TTF1: variants seen among roughly 807,000 people sequenced by gnomAD.
TTF1 encodes the protein transcription termination factor, RNA polymerase I.
TTF1 carries 64 observed loss-of-function variants against 80.2 expected under a neutral mutation model. That is an observed-to-expected ratio of 0.80 (90% CI 0.65 to 0.98). The LOEUF is 0.98. Ranked by LOEUF, TTF1 falls within the 50% of genes least tolerant of loss-of-function variation. The probability of loss-of-function intolerance (pLI) is 0.00; values close to 1 mark genes in which losing one functional copy is unlikely to be tolerated. For synonymous variants in TTF1, 372 were observed against 382.7 expected (o/e 0.97, Z 0.33); for missense variants, 1,023 against 1,086.2 (o/e 0.94, Z 0.82).
At chr9:132,390,475 C>G (rs1849539666) in intron 7 of TTF1, 122 bp downstream of exon 7, 1 of 867,214 alleles carries the variant, frequency 1.2e-6, no homozygotes, top group South Asian at 1.7e-5. Context: ...GCTGGGGCAG[C>G]AGACTAGACA....
Position 132,377,313 on chromosome 9 carries a change from C to CATGTGGTGTGTGTGT in TTF1, c.2465-1160_2465-1146dup, listed in dbSNP as rs1849210292. ...CATGTGAATGCATGTGGTGTGAGTGCATGTGGTGTGTGTGTGAATGCATGT... is the reference window on the plus strand; with the variant it reads ...CATGTGAATGCATGTGGTGTGAGTGCATGTGGTGTGTGTGTATGTGGTGTGTGTGTGAATGCATGT... On this transcript the variant is annotated intron_variant, in intron 10 of 10. Coordinates refer to ENST00000334270, the MANE Select transcript of TTF1 (RefSeq NM_007344.4). 5.8e-5 allele frequency among the ~76,000 whole-genome samples: 6 copies of CATGTGGTGTGTGTGT among 103,280 alleles called. No individual in the cohort carries two copies. In the East Asian group the frequency reaches 2.0e-3, roughly 35 times the overall value. The allele number at this position is 103,280 out of a possible 152,430, so 67.8% of individuals were successfully genotyped here. A position where few individuals can be genotyped will look rare whatever the true frequency, so the allele number is the denominator to read the frequency against.
chr9:132,389,609 T>C (rs755901622), intron 7 of TTF1, among the ~76,000 whole-genome samples: 1 of 152,338 alleles, frequency 6.6e-6, no homozygotes, highest in Non-Finnish European at 1.5e-5. Context: ...AGGAGTTTGC[T>C]TTTAACACAA....
At position 132,403,017 on chromosome 9, in the gene TTF1, A is replaced by G. The variant is rs149476923; in HGVS notation, c.-7-189T>C. ...ACTACAGGCACCCACCAGCACGCCC[A>G]GCTAATTTTGTTTTTGTATTTTCAG... On this transcript the variant is annotated intron_variant, in intron 1 of 10. Transcript: ENST00000334270. 3.1e-3 allele frequency among the ~76,000 whole-genome samples: 476 copies of G among 152,160 alleles called. 2 individuals carry two copies. Among genetic ancestry groups the G allele is most frequent in the African/African-American group, 0.011 (462 of 41,512 alleles).
chr9:132,377,564 TG>T (rs1203717098), intron 10 of TTF1, among the ~76,000 whole-genome samples: 5 of 49,898 alleles, frequency 1.0e-4, no homozygotes, highest in African/African-American at 3.3e-4. Flanking sequence ...TGAATGCATG[TG>T]GTGAGTGCAT....
rs1240531740 is a variant in TTF1 at position 132,402,464 on chromosome 9, T to C, written c.358A>G (p.Arg120Gly). 6.2e-7 allele frequency: 1 copy of C among 1,614,126 alleles called. No individual in the cohort carries two copies. The highest frequency in any genetic ancestry group is 1.1e-5 in the South Asian group (1 of 91,092). Reference protein sequence around the residue: ...ENINNTPKHFRKDVDVVCVDM... With the variant: ...ENINNTPKHFGKDVDVVCVDM... ...ACACAAACAACATCAACATCCTTTCTAAAATGCTTTGGTGTGTTGTTAATA... is the reference window on the plus strand; with the variant it reads ...ACACAAACAACATCAACATCCTTTCCAAAATGCTTTGGTGTGTTGTTAATA... The change falls in exon 2 of 11, where the codon AGA (arginine) becomes GGA (glycine). Residue 120 changes from arginine (R) to glycine (G), a missense_variant. By Grantham distance (125) the Arg-to-Gly change is moderately radical (BLOSUM62 -2). Transcript: ENST00000334270.
chr9:132,405,039 C>T (rs937477696), intron 1 of TTF1, among the ~76,000 whole-genome samples: 11 of 151,508 alleles, frequency 7.3e-5, no homozygotes, highest in African/African-American at 2.2e-4. Flanking sequence ...GTGCCCGCCA[C>T]GACGCCAGGC....
rs1205110861 is a variant in TTF1 at position 132,390,716 on chromosome 9, G to A, written c.2103C>T (p.Leu701=). Residue 701 remains leucine, a synonymous_variant, in exon 7 of 11, where the codon CTC becomes CTT. Coordinates refer to ENST00000334270, the MANE Select transcript of TTF1 (RefSeq NM_007344.4). The stretch of plus-strand genomic sequence containing the variant: ...ATAGGCAACTTTCAGGATTTTCTTG[G>A]AGTTTGGAATCCACCTCTTTTAACT... ...PQELKEVDSK[L]QENPESCLSI... 2.5e-6 allele frequency: 4 copies of A among 1,614,068 alleles called. No homozygotes were observed. The Admixed American group carries it at 6.7e-5, about 27-fold the overall frequency.
At chr9:132,386,480 AGAT>A (rs1849470696) in intron 9 of TTF1, 73 bp downstream of exon 9, 2 of 1,187,844 alleles carry the variant, frequency 1.7e-6, no homozygotes, top group South Asian at 1.3e-5. Context: ...CAGCCCTGTA[AGAT>A]GATAGGGAGT....
rs61746239 is a variant in TTF1 at position 132,398,210 on chromosome 9, C to G, written c.1708G>C (p.Asp570His). 7,702 of 1,599,066 alleles carry G rather than the reference C, an allele frequency of 4.8e-3. 351 individuals carry two copies. In the African/African-American group the frequency reaches 0.091, roughly 19 times the overall value. ...ACAGATTTTTCCTCAGGATATCTGTCCGTGTACAGCAGCTTGTCTGCACTC... is the reference window on the plus strand; with the variant it reads ...ACAGATTTTTCCTCAGGATATCTGTGCGTGTACAGCAGCTTGTCTGCACTC... ...IESADKLLYT[D>H]RYPEEKSVIT... is the part of the protein sequence containing the mutation. Residue 570 changes from aspartate (D) to histidine (H), a missense_variant, in exon 4 of 11, where the codon GAC becomes CAC. Asp to His is a moderately conservative substitution (Grantham distance 81, BLOSUM62 -1). Coordinates refer to ENST00000334270, the MANE Select transcript of TTF1 (RefSeq NM_007344.4).
chr9:132,377,281 TGTG>T (rs1272046928), intron 10 of TTF1, among the ~76,000 whole-genome samples: 37 of 142,766 alleles, frequency 2.6e-4, no homozygotes, highest in African/African-American at 7.9e-4. Flanking sequence ...TGTGAGTGCA[TGTG>T]GTGCATGTGA....
rs1203236886 is a variant in TTF1, at chr9:132,402,383, C to A, written c.439G>T (p.Val147Leu). 2.5e-6 allele frequency: 4 copies of A among 1,614,038 alleles called. No individual in the cohort carries two copies. In the African/African-American group the frequency reaches 5.3e-5, roughly 22 times the overall value. The change falls in exon 2 of 11, where the codon GTA becomes TTA. Residue 147 changes from valine to leucine, a missense_variant. Transcript: ENST00000334270. ...PRKPKTDKFQ[V>L]LAKSHAHKSE... ...TTATGTGCATGTGACTTAGCAAGTA[C>A]CTGAAATTTGTCTGTTTTAGGCTTT...
At chr9:132,377,484 TGTG>T (rs146439129) in intron 10 of TTF1, among the ~76,000 whole-genome samples, 3,516 of 45,724 alleles carry the variant, frequency 0.077, 245 homozygotes, top group East Asian at 0.42. Flanking sequence ...TGTGAATGCA[TGTG>T]GTGTGTGTGA....
intron 10 of TTF1, among the ~76,000 whole-genome samples, chr9:132,378,072 GGTGT>G (rs745453397): frequency 1.6e-4 from 15 of 91,000 alleles, no homozygotes; most frequent in Admixed American, 7.0e-4. Flanking sequence ...GAGTGCATGT[GGTGT>G]GTGTGAGTGC....
At position 132,402,254 on chromosome 9, in the gene TTF1, A is replaced by C. The variant is rs767668925; in HGVS notation, c.568T>G (p.Ser190Ala). 4 of 1,614,064 alleles carry C rather than the reference A, an allele frequency of 2.5e-6. No individual in the cohort carries two copies. Among genetic ancestry groups the C allele is most frequent in the Non-Finnish European group, 3.4e-6 (4 of 1,180,012 alleles). Reference protein sequence around the residue: ...SQRARDTLPQSESHQEESWLS... With the variant: ...SQRARDTLPQAESHQEESWLS... The stretch of plus-strand genomic sequence containing the variant: ...CAGGACTCCTCCTGGTGGGATTCTG[A>C]CTGAGGCAGGGTGTCCCTTGCCCGC... Residue 190 changes from serine (S) to alanine (A), a missense_variant, in exon 2 of 11, where the codon TCA (serine) becomes GCA (alanine). By Grantham distance (99) the Ser-to-Ala change is moderately conservative. Transcript: ENST00000334270.
At chr9:132,398,946 C>G (rs1849706678) in intron 3 of TTF1, among the ~76,000 whole-genome samples, 1 of 152,032 alleles carries the variant, frequency 6.6e-6, no homozygotes, top group South Asian at 2.1e-4. Context: ...GCATGTTATC[C>G]CAGCACTTTG....
chr9:132,375,947 T>G lies in TTF1; in HGVS notation c.2686A>C (p.Thr896Pro). ...ATCCACCGGCCTTGGCCTCCCAAAG[T>G]ACTGGAATTACAGGCGTGAGCCATG... ...PCMAHACNSS[T>P]LGGQGRWII is the part of the protein sequence containing the mutation. The change falls in exon 11 of 11, where the codon ACT becomes CCT. Residue 896 changes from threonine to proline, a missense_variant. Thr to Pro is a conservative substitution (Grantham distance 38). Transcript: ENST00000334270. 6.2e-7 allele frequency: 1 copy of G among 1,607,134 alleles called. No individual in the cohort carries two copies. The highest frequency in any genetic ancestry group is 8.5e-7 in the Non-Finnish European group (1 of 1,176,924).
intron 5 of TTF1, among the ~76,000 whole-genome samples, chr9:132,394,919 C>A (rs907145283): frequency 6.7e-6 from 1 of 149,484 alleles, no homozygotes; most frequent in South Asian, 2.1e-4. Flanking sequence ...TTGCCAGGCA[C>A]GGTGTCTCAC....
chr9:132,396,857 G>A (rs1486817797), intron 4 of TTF1, among the ~76,000 whole-genome samples: 3 of 151,780 alleles, frequency 2.0e-5, no homozygotes, highest in Non-Finnish European at 4.4e-5. Context: ...TAGTAGGGAC[G>A]GGGTTTCACT....
In TTF1 at chr9:132,377,633, GGTGCGTGTGAATGCATGTGGT is replaced by G. The variant is rs1399409437; in HGVS notation, c.2464+1405_2464+1425del. ...GAATGCATGTGGTGTGAGTGCATGT[GGTGCGTGTGAATGCATGTGGT>G]GTGTGTGAGTGCATGTGGTGTGTGA... On this transcript the variant is annotated intron_variant, in intron 10 of 10. Coordinates refer to ENST00000334270, the MANE Select transcript of TTF1 (RefSeq NM_007344.4). 3.8e-5 allele frequency among the ~76,000 whole-genome samples: 5 copies of G among 131,272 alleles called. No individual in the cohort carries two copies. In the East Asian group the frequency reaches 7.6e-4, roughly 20 times the overall value. The allele number at this position is 131,272 out of a possible 152,430, so 86.1% of individuals were successfully genotyped here.
Sources: gnomAD v4.1 joint callset for allele counts (sites outside exome capture counted in the v4.1 genomes callset) on GRCh38, gnomAD v4.1.1 for gene constraint, MANE v1.5 for transcripts, NCBI Gene and HGNC (gene_info 2026-07-23, HGNC 2026-07-21) for gene names.